The following ADAM12 variants were observed in gnomAD, a reference collection of about 807,000 sequenced individuals.
ADAM12 encodes disintegrin and metalloproteinase domain-containing protein 12.
In ADAM12, 70 loss-of-function variants were observed where a neutral mutation model predicts 106.4. The observed-to-expected ratio is 0.66, with a 90% confidence interval of 0.54 to 0.80. The LOEUF (loss-of-function observed/expected upper bound fraction) is 0.80. Ranked by LOEUF, ADAM12 falls within the 30% of genes least tolerant of loss-of-function variation. The probability of loss-of-function intolerance (pLI) is 0.00; values close to 1 mark genes in which losing one functional copy is unlikely to be tolerated. For missense variants in ADAM12, 1,010 were observed against 1,171.9 expected (o/e 0.86, Z 2.02); for synonymous variants, 420 against 433.5 (o/e 0.97, Z 0.39).
chr10:126,049,328 C>G lies in ADAM12; in HGVS notation c.1842G>C (p.Gly614=). 6.2e-7 allele frequency: 1 copy of G among 1,614,214 alleles called. No homozygotes were observed. Among genetic ancestry groups the G allele is most frequent in the Non-Finnish European group, 8.5e-7 (1 of 1,180,044 alleles). ...LQQGGRILCR[G]THVYLGDDMP... ...TGTCATCGCCCAAGTACACGTGGGT[C>G]CCCCGGCACAGAATCCGGCCTCCTT... is the stretch of plus-strand genomic sequence containing the variant. The change falls in exon 16 of 23, where the codon GGG becomes GGC. Residue 614 remains glycine, a synonymous_variant. Coordinates refer to ENST00000448723, the MANE Select transcript of ADAM12 (RefSeq NM_001288973.2). This position sits in a 1 kb window ranked among gnomAD's most constrained non-coding sequence, Gnocchi z 4.4.
intron 3 of ADAM12, among the ~76,000 whole-genome samples, chr10:126,209,156 A>AG (rs780447350): frequency 2.1e-4 from 32 of 152,332 alleles, no homozygotes; most frequent in Middle Eastern, 3.4e-3. Flanking sequence ...TCAACATAGG[A>AG]GGGATATTTT....
chr10:126,166,429 A>G (rs1957024597), intron 3 of ADAM12, among the ~76,000 whole-genome samples: 1 of 152,190 alleles, frequency 6.6e-6, no homozygotes, highest in Non-Finnish European at 1.5e-5. Context: ...CTCCCCTTTC[A>G]AATGACTAGA....
At chr10:126,111,480 A>G (rs890198058) in intron 6 of ADAM12, among the ~76,000 whole-genome samples, 7 of 152,198 alleles carry the variant, frequency 4.6e-5, no homozygotes, top group Non-Finnish European at 1.0e-4. Context: ...TCATTAAAAA[A>G]ATTTGGCTAA....
chr10:126,213,022 C>T (rs1026427546), intron 3 of ADAM12, among the ~76,000 whole-genome samples: 21 of 152,104 alleles, frequency 1.4e-4, no homozygotes, highest in Non-Finnish European at 7.4e-5. Context: ...GTAAGTGCAC[C>T]CCCACCCTTC....
chr10:126,203,655 C>T (rs1957741076), intron 3 of ADAM12, among the ~76,000 whole-genome samples: 1 of 152,224 alleles, frequency 6.6e-6, no homozygotes, highest in South Asian at 2.1e-4. Flanking sequence ...CCTAAATACC[C>T]TTTGCTTATC....
At position 126,322,549 on chromosome 10, in the gene ADAM12, C is replaced by A. The variant is rs185449833; in HGVS notation, c.186+7863G>T. Reference sequence around the variant, plus strand: ...AACTCCCAGGCCAGTGCCCTCCCCCCACACACAGCAAAGGCTTATCCAGCC... The same window carrying A: ...AACTCCCAGGCCAGTGCCCTCCCCCAACACACAGCAAAGGCTTATCCAGCC... On this transcript the variant is annotated intron_variant, in intron 2 of 22. Coordinates refer to ENST00000448723, the MANE Select transcript of ADAM12 (RefSeq NM_001288973.2). Among the ~76,000 whole-genome samples, 33 of 152,326 alleles carry A rather than the reference C, an allele frequency of 2.2e-4. No individual in the cohort carries two copies. The Middle Eastern group carries it at 0.01, about 47-fold the overall frequency.
chr10:126,076,284 T>C (rs1382291559), intron 11 of ADAM12, among the ~76,000 whole-genome samples: 1 of 152,240 alleles, frequency 6.6e-6, no homozygotes, highest in African/African-American at 2.4e-5. Flanking sequence ...CTGTGTAGTA[T>C]TCCATACCAC....
At chr10:126,110,098 A>G (rs771778579) in intron 6 of ADAM12, among the ~76,000 whole-genome samples, 1 of 152,332 alleles carries the variant, frequency 6.6e-6, no homozygotes, top group Admixed American at 6.5e-5. Context: ...TGAATCATGG[A>G]TTATTGGAGC....
chr10:126,267,232 C>T (rs952503929), intron 3 of ADAM12, among the ~76,000 whole-genome samples: 1 of 152,142 alleles, frequency 6.6e-6, no homozygotes, highest in Non-Finnish European at 1.5e-5. Flanking sequence ...TCAGAAGAGT[C>T]ACCTCAATCA....
chr10:126,033,321 G>C (rs1386592846), intron 21 of ADAM12, among the ~76,000 whole-genome samples: 1 of 152,142 alleles, frequency 6.6e-6, no homozygotes. Flanking sequence ...TAGTTCAAGT[G>C]TACCAGTAAT....
intron 5 of ADAM12, among the ~76,000 whole-genome samples, chr10:126,129,277 A>G (rs1676701): frequency 0.63 from 95,888 of 151,644 alleles, 30,566 homozygotes; most frequent in East Asian, 0.76. Context: ...GAAAAATTAG[A>G]GAGAGACAAC....
At chr10:126,187,265 A>G (rs1565124205) in intron 3 of ADAM12, among the ~76,000 whole-genome samples, 1 of 151,802 alleles carries the variant, frequency 6.6e-6, no homozygotes, top group Non-Finnish European at 1.5e-5. Flanking sequence ...TCTCTGCATG[A>G]TTTTTATTGT....
chr10:126,104,892 G>C (rs1955735304), intron 8 of ADAM12, among the ~76,000 whole-genome samples: 1 of 152,224 alleles, frequency 6.6e-6, no homozygotes, highest in Admixed American at 6.5e-5. Context: ...CACTGGCACA[G>C]TCGTTGTTTT....
At chr10:126,152,842 ACT>A (rs1491477397) in intron 4 of ADAM12, among the ~76,000 whole-genome samples, 2 of 152,100 alleles carry the variant, frequency 1.3e-5, no homozygotes, top group East Asian at 1.9e-4. Context: ...TGCAGGACAC[ACT>A]CTTATCAAAA....
intron 20 of ADAM12, among the ~76,000 whole-genome samples, chr10:126,037,285 C>CTT (rs34515487): frequency 0.29 from 39,009 of 136,120 alleles, 5,861 homozygotes; most frequent in Non-Finnish European, 0.33. Flanking sequence ...TAAGGCTGTG[C>CTT]TTTTTTTTTT....
rs1953602804 is a variant in ADAM12, at chr10:126,013,417, T to A, written c.*3862A>T. The A allele has an allele frequency of 6.6e-6, 1 of 152,226 alleles. No individual in the cohort carries two copies. The highest frequency in any genetic ancestry group is 2.4e-5 in the African/African-American group (1 of 41,464). 9.4% of individuals were successfully genotyped at this position (152,226 alleles called of 1,614,324 possible). A position where few individuals can be genotyped will look rare whatever the true frequency, so the allele number is the denominator to read the frequency against. On this transcript the variant is annotated 3_prime_UTR_variant, in exon 23 of 23. Transcript: ENST00000448723. The surrounding 1 kb of genome is among the most constrained non-coding windows in gnomAD (Gnocchi z 4.3). ...GTCAAGAGAATTTTGTAATTATAGA[T>A]AAGTTGATTTTCTGTGGCTAACTTC...
chr10:126,233,467 G>C (rs569519527), intron 3 of ADAM12, among the ~76,000 whole-genome samples: 2 of 152,164 alleles, frequency 1.3e-5, no homozygotes, highest in African/African-American at 4.8e-5. Context: ...CAGGAGTGGA[G>C]AAAGAGAGAA....
chr10:126,126,218 C>T (rs1956203447), intron 5 of ADAM12, among the ~76,000 whole-genome samples: 1 of 152,060 alleles, frequency 6.6e-6, no homozygotes, highest in South Asian at 2.1e-4. Context: ...TGGTTAGCCT[C>T]CTCTTCAGGG....
At position 126,335,070 on chromosome 10, in the gene ADAM12, G is replaced by T. The variant is rs1854652249; in HGVS notation, c.89-4561C>A. On this transcript the variant is annotated intron_variant, in intron 1 of 22. Transcript: ENST00000448723. The stretch of plus-strand genomic sequence containing the variant: ...AGCTTAATGCATGAAATCCGTCTTA[G>T]ATATCAGAATCCAAGTTTCTAGACT... Among the ~76,000 whole-genome samples, 4 of 152,226 alleles carry T rather than the reference G, an allele frequency of 2.6e-5. No homozygotes were observed. In the South Asian group the frequency reaches 8.3e-4, roughly 31 times the overall value.
Sources: gnomAD v4.1 joint callset for allele counts (sites outside exome capture counted in the v4.1 genomes callset) on GRCh38, gnomAD v4.1.1 for gene constraint, Gnocchi (gnomAD v3.1) non-coding constraint, MANE v1.5 for transcripts, NCBI Gene and HGNC (gene_info 2026-07-23, HGNC 2026-07-21) for gene names.